The following ZNF618 variants were observed in gnomAD, a reference collection of about 807,000 sequenced individuals.
The protein encoded by ZNF618 is zinc finger protein 618.
A neutral mutation model predicts 103.0 loss-of-function variants in ZNF618; 34 were observed. The observed-to-expected ratio is 0.33, with a 90% CI of 0.25 to 0.44. The LOEUF (loss-of-function observed/expected upper bound fraction) is 0.44. Among genes scored for constraint, ZNF618 ranks in the 20% least tolerant of loss-of-function variants. The probability of loss-of-function intolerance (pLI) is 1.00; values close to 1 mark genes in which losing one functional copy is unlikely to be tolerated. For synonymous variants in ZNF618, 551 were observed against 542.2 expected, an observed-to-expected ratio of 1.02 and a Z score of -0.23; for missense variants, 1,059 against 1,295.4, an observed-to-expected ratio of 0.82 and a Z score of 2.80.
intron 2 of ZNF618, among the ~76,000 whole-genome samples, chr9:113,986,115 G>A (rs952839749): frequency 8.5e-5 from 13 of 152,310 alleles, no homozygotes; most frequent in Non-Finnish European, 1.3e-4. Context: ...AACAATGGTC[G>A]TGGTGACCAT....
Position 114,049,178 on chromosome 9 carries a change from T to G in ZNF618, c.1876T>G (p.Phe626Val). 6.2e-7 allele frequency: 1 copy of G among 1,613,798 alleles called. No individual in the cohort carries two copies. The highest frequency in any genetic ancestry group is 8.5e-7 in the Non-Finnish European group (1 of 1,179,892). The change falls in exon 15 of 15, where the codon TTC becomes GTC. Residue 626 changes from phenylalanine (F) to valine (V), a missense_variant. By Grantham distance (50) the Phe-to-Val change is conservative. Around this residue, in one of 6 missense-constraint regions of ZNF618, gnomAD observed 272 missense variants for 380.1 expected, o/e 0.72. Coordinates refer to ENST00000374126, the MANE Select transcript of ZNF618 (RefSeq NM_001318042.2). ...GGATTGCCGGGTGAGCACGTCCGCC[T>G]TCTCCAAGGCCGGCATGTGCCTTCG... ...VTDCRVSTSA[F>V]SKAGMCLRCS...
intron 1 of ZNF618, among the ~76,000 whole-genome samples, chr9:113,968,793 A>T (rs1210814787): frequency 6.6e-6 from 1 of 152,246 alleles, no homozygotes; most frequent in East Asian, 1.9e-4. Flanking sequence ...CTGAAAATAA[A>T]AATGGTGCAA....
At chr9:114,023,470 A>G (rs929827877) in intron 10 of ZNF618, among the ~76,000 whole-genome samples, 3 of 152,166 alleles carry the variant, frequency 2.0e-5, no homozygotes, top group African/African-American at 4.8e-5. Flanking sequence ...TATAAACCCA[A>G]CAATTACTCT....
intron 1 of ZNF618, among the ~76,000 whole-genome samples, chr9:113,883,960 A>C (rs1587922003): frequency 1.9e-5 from 2 of 104,628 alleles, no homozygotes; most frequent in Admixed American, 1.5e-4. Context: ...TGCTCTGTTT[A>C]CCTCACTTTT....
At chr9:113,952,317 G>C (rs1406202135) in intron 1 of ZNF618, among the ~76,000 whole-genome samples, 3 of 152,290 alleles carry the variant, frequency 2.0e-5, no homozygotes, top group African/African-American at 7.2e-5. Context: ...TCCTGGCAAG[G>C]AATACCACCT....
chr9:113,926,050 G>A (rs1833057761), intron 1 of ZNF618, among the ~76,000 whole-genome samples: 1 of 151,964 alleles, frequency 6.6e-6, no homozygotes, highest in Admixed American at 6.6e-5. Context: ...TTTCCTGCAA[G>A]GCAGATCTTC....
At chr9:113,997,891 C>T (rs2133534907) in intron 3 of ZNF618, among the ~76,000 whole-genome samples, 1 of 152,358 alleles carries the variant, frequency 6.6e-6, no homozygotes. Context: ...CAGTCTGGGT[C>T]TGTGGTGGCC....
intron 1 of ZNF618, among the ~76,000 whole-genome samples, chr9:113,904,997 C>T (rs1830860042): frequency 6.6e-6 from 1 of 152,184 alleles, no homozygotes; most frequent in Non-Finnish European, 1.5e-5. Flanking sequence ...TTAGGACGCA[C>T]ATGTCTTTGT....
chr9:113,971,950 T>G (rs1838013501), intron 2 of ZNF618, among the ~76,000 whole-genome samples: 1 of 152,176 alleles, frequency 6.6e-6, no homozygotes, highest in Non-Finnish European at 1.5e-5. Flanking sequence ...TGTGTGTGGC[T>G]TAAGGTGTAA....
At chr9:113,986,806 C>T (rs1736270761) in intron 2 of ZNF618, among the ~76,000 whole-genome samples, 1 of 152,218 alleles carries the variant, frequency 6.6e-6, no homozygotes, top group South Asian at 2.1e-4. Context: ...TCTATCTTTG[C>T]TCAGTTTCCC....
intron 2 of ZNF618, among the ~76,000 whole-genome samples, chr9:113,982,955 C>A (rs1439879851): frequency 6.6e-6 from 1 of 152,156 alleles, no homozygotes; most frequent in Non-Finnish European, 1.5e-5. Flanking sequence ...TGAAAAATAT[C>A]CTTTTAATGT....
At chr9:113,933,812 C>T (rs1182483304) in intron 1 of ZNF618, among the ~76,000 whole-genome samples, 1 of 151,814 alleles carries the variant, frequency 6.6e-6, no homozygotes, top group Non-Finnish European at 1.5e-5. Flanking sequence ...TTGTGATGGG[C>T]TTGGTCTTGG....
In ZNF618 at chr9:114,049,816, G is replaced by T. The variant is rs1845987305; in HGVS notation, c.2514G>T (p.Glu838Asp). Residue 838 changes from glutamate to aspartate, a missense_variant, in exon 15 of 15, where the codon GAG becomes GAT. Physicochemically the swap from Glu to Asp is conservative, Grantham distance 45. Around this residue, in one of 6 missense-constraint regions of ZNF618, gnomAD observed 156 missense variants for 197.1 expected, o/e 0.79. Transcript: ENST00000374126. ...KVCELINEVK[E>D]SWAEEADFEP... ...GTGAGCTCATCAACGAGGTGAAGGA[G>T]TCCTGGGCCGAGGAGGCCGACTTCG... The T allele has an allele frequency of 6.2e-7, 1 of 1,613,890 alleles. No homozygotes were observed. The highest frequency in any genetic ancestry group is 1.1e-5 in the South Asian group (1 of 91,092).
chr9:113,971,258 T>C (rs561506280), intron 2 of ZNF618, among the ~76,000 whole-genome samples: 1 of 152,128 alleles, frequency 6.6e-6, no homozygotes, highest in African/African-American at 2.4e-5. Context: ...CACCCTGTCA[T>C]TGTGCAATGG....
intron 1 of ZNF618, among the ~76,000 whole-genome samples, chr9:113,907,651 A>ACC (rs577620970): frequency 6.6e-6 from 1 of 151,350 alleles, no homozygotes. Context: ...GTTGTCCAGG[A>ACC]CCCCCCCGCA....
Position 113,946,209 on chromosome 9 carries a change from C to T in ZNF618, c.34-22908C>T, listed in dbSNP as rs140998253. Among the ~76,000 whole-genome samples, 19 of 152,328 alleles carry T rather than the reference C, an allele frequency of 1.2e-4. No homozygotes were observed. The East Asian group carries it at 2.7e-3, about 22-fold the overall frequency. ...AATATCAAGGCCACAGGCTTAGCCC[C>T]CTCACGGAAACCTGGGGTGTTAAAG... is the stretch of plus-strand genomic sequence containing the variant. On this transcript the variant is annotated intron_variant, in intron 1 of 14. Transcript: ENST00000374126.
chr9:113,926,862 A>T (rs910387696), intron 1 of ZNF618, among the ~76,000 whole-genome samples: 5 of 152,158 alleles, frequency 3.3e-5, no homozygotes, highest in Non-Finnish European at 5.9e-5. Flanking sequence ...AAAATACAAA[A>T]ATTAGCTGAG....
chr9:113,892,693 A>G (rs1232361932), intron 1 of ZNF618, among the ~76,000 whole-genome samples: 1 of 152,208 alleles, frequency 6.6e-6, no homozygotes, highest in African/African-American at 2.4e-5. Context: ...CATTTACAGA[A>G]ATTATACATT....
intron 3 of ZNF618, among the ~76,000 whole-genome samples, chr9:113,989,801 C>G (rs1477956489): frequency 6.6e-6 from 1 of 152,230 alleles, no homozygotes; most frequent in Admixed American, 6.5e-5. Flanking sequence ...GCCAGCTGTT[C>G]CCTGCTGGTT....
Sources: gnomAD v4.1 joint callset for allele counts (sites outside exome capture counted in the v4.1 genomes callset) on GRCh38, gnomAD v4.1.1 for gene constraint, gnomAD v4.1.1 regional missense constraint, MANE v1.5 for transcripts, NCBI Gene and HGNC (gene_info 2026-07-23, HGNC 2026-07-21) for gene names.